PTPRD: variants seen among roughly 807,000 people sequenced by gnomAD.
PTPRD encodes the protein protein tyrosine phosphatase receptor type D, also known as receptor-type tyrosine-protein phosphatase delta.
Under a neutral mutation model 214.5 loss-of-function variants are expected in PTPRD, and 34 were observed. The ratio of observed to expected loss-of-function variants is 0.16; its 90% CI spans 0.12 to 0.21. The LOEUF is 0.21. Among genes scored for constraint, PTPRD ranks in the 10% least tolerant of loss-of-function variants. The probability of loss-of-function intolerance (pLI) is 1.00; values close to 1 mark genes in which losing one functional copy is unlikely to be tolerated. For synonymous variants in PTPRD, 1,128 were observed against 845.7 expected (o/e 1.33, Z -5.79); for missense variants, 2,545 against 2,398.7 (o/e 1.06, Z -1.27).
chr9:9,240,636 T>G (rs1259060266), intron 9 of PTPRD, among the ~76,000 whole-genome samples: 2 of 152,152 alleles, frequency 1.3e-5, no homozygotes, highest in African/African-American at 4.8e-5. Context: ...GCTTATTTGA[T>G]ATATTAAAAT....
chr9:9,306,827 A>G (rs938927767), intron 9 of PTPRD, among the ~76,000 whole-genome samples: 1 of 152,164 alleles, frequency 6.6e-6, no homozygotes, highest in East Asian at 1.9e-4. Context: ...TTTTACTATT[A>G]TAATCCAAAT....
intron 14 of PTPRD, among the ~76,000 whole-genome samples, chr9:8,599,601 C>G (rs1391220972): frequency 9.4e-6 from 1 of 106,620 alleles, no homozygotes; most frequent in Non-Finnish European, 1.8e-5. Flanking sequence ...CCCTTTCCCC[C>G]ACCCGCCCAC....
At chr9:9,319,312 T>C (rs1309452567) in intron 9 of PTPRD, among the ~76,000 whole-genome samples, 1 of 152,202 alleles carries the variant, frequency 6.6e-6, no homozygotes, top group Non-Finnish European at 1.5e-5. Flanking sequence ...GGTTTCTCCA[T>C]AAATCAAGTG....
At position 10,351,252 on chromosome 9, in the gene PTPRD, C is replaced by T. The variant is rs185960635; in HGVS notation, c.-599-10235G>A. 1.2e-4 allele frequency among the ~76,000 whole-genome samples: 19 copies of T among 152,104 alleles called. No individual in the cohort carries two copies. The East Asian group carries it at 1.7e-3, about 14-fold the overall frequency. On this transcript the variant is annotated intron_variant, in intron 2 of 45. Transcript: ENST00000381196. ...TATCGTGGATTATCTAAATTACTGT[C>T]GCCCTCCATTTATGTGGATAATGAG...
At chr9:9,103,307 T>A (rs1265640252) in intron 10 of PTPRD, among the ~76,000 whole-genome samples, 3 of 152,194 alleles carry the variant, frequency 2.0e-5, no homozygotes. Context: ...TTGTTTTTTT[T>A]TCCATTGCAC....
intron 3 of PTPRD, among the ~76,000 whole-genome samples, chr9:10,250,309 C>T (rs1439275600): frequency 6.6e-6 from 1 of 152,042 alleles, no homozygotes; most frequent in African/African-American, 2.4e-5. Context: ...ACCCTTTACT[C>T]ATCTATATAA....
At chr9:9,931,488 C>T (rs543178783) in intron 5 of PTPRD, among the ~76,000 whole-genome samples, 111 of 152,230 alleles carry the variant, frequency 7.3e-4, no homozygotes, top group African/African-American at 2.4e-3. Context: ...AAAATCGGGT[C>T]GCTCCCACCC....
intron 4 of PTPRD, among the ~76,000 whole-genome samples, chr9:10,028,806 C>T (rs763413416): frequency 9.9e-5 from 15 of 152,124 alleles, no homozygotes; most frequent in East Asian, 5.8e-4. Context: ...ATCCCATTTT[C>T]GAGGAGAAAT....
intron 3 of PTPRD, among the ~76,000 whole-genome samples, chr9:10,184,013 C>T (rs1052148780): frequency 3.3e-5 from 5 of 152,058 alleles, no homozygotes; most frequent in African/African-American, 1.2e-4. Flanking sequence ...GTCACATGCA[C>T]GTATACATCT....
chr9:9,587,896 T>A (rs1361317944), intron 7 of PTPRD, among the ~76,000 whole-genome samples: 1 of 151,944 alleles, frequency 6.6e-6, no homozygotes, highest in Non-Finnish European at 1.5e-5. Context: ...TTAATAGGTA[T>A]AAACACATAG....
At chr9:9,825,236 C>A (rs2052329901) in intron 5 of PTPRD, among the ~76,000 whole-genome samples, 1 of 151,370 alleles carries the variant, frequency 6.6e-6, no homozygotes, top group African/African-American at 2.4e-5. Flanking sequence ...ATTTTATTTA[C>A]TAGTTTTCAA....
At chr9:8,998,870 C>G (rs902942603) in intron 11 of PTPRD, among the ~76,000 whole-genome samples, 3 of 151,992 alleles carry the variant, frequency 2.0e-5, no homozygotes, top group African/African-American at 7.2e-5. Context: ...CCAATCCTCA[C>G]AGATGACTTT....
intron 3 of PTPRD, among the ~76,000 whole-genome samples, chr9:10,097,046 G>A (rs1040746933): frequency 6.6e-6 from 1 of 151,674 alleles, no homozygotes; most frequent in African/African-American, 2.4e-5. Flanking sequence ...TCAGATAGTT[G>A]TAGATATGCA....
Position 9,553,601 on chromosome 9 carries a change from C to T in PTPRD, c.-237+21131G>A, listed in dbSNP as rs117192638. ...GTTTCTAAATGACAGTATGGATACC[C>T]CTTACTTACTGAATTAATAAGGTTA... On this transcript the variant is annotated intron_variant, in intron 8 of 45. Coordinates refer to ENST00000381196, the MANE Select transcript of PTPRD (RefSeq NM_002839.4). Among the ~76,000 whole-genome samples, 1,154 of 152,008 alleles carry T rather than the reference C, an allele frequency of 7.6e-3. 4 individuals are homozygous for T. The highest frequency in any genetic ancestry group is 0.013 in the Admixed American group (191 of 15,252).
chr9:10,524,924 T>TA (rs532367709), intron 2 of PTPRD, among the ~76,000 whole-genome samples: 20 of 144,322 alleles, frequency 1.4e-4, no homozygotes, highest in Admixed American at 2.8e-4. Context: ...AATATGATGC[T>TA]AAAAAAAAAA....
intron 10 of PTPRD, among the ~76,000 whole-genome samples, chr9:9,019,338 ACGAAAGAAAG>A (rs200865850): frequency 0.023 from 491 of 21,140 alleles, 4 homozygotes; most frequent in East Asian, 0.053. Context: ...GAAAGAAAGA[ACGAAAGAAAG>A]AAAGAAAGAA....
At chr9:10,346,149 C>G (rs372688251) in intron 2 of PTPRD, among the ~76,000 whole-genome samples, 1 of 152,100 alleles carries the variant, frequency 6.6e-6, no homozygotes, top group Non-Finnish European at 1.5e-5. Context: ...GCTCAAAATG[C>G]TTAAGTAAAT....
intron 10 of PTPRD, among the ~76,000 whole-genome samples, chr9:9,089,953 T>A (rs1335027653): frequency 6.6e-6 from 1 of 152,194 alleles, no homozygotes; most frequent in Non-Finnish European, 1.5e-5. Context: ...ATACATAATG[T>A]TTGTCCATAT....
intron 10 of PTPRD, among the ~76,000 whole-genome samples, chr9:9,095,753 C>T (rs2099782588): frequency 6.6e-6 from 1 of 152,120 alleles, no homozygotes; most frequent in Non-Finnish European, 1.5e-5. Context: ...CTCTTCTGAG[C>T]ATATACCCAA....
Sources: allele counts gnomAD v4.1 joint callset (sites outside exome capture counted in the v4.1 genomes callset), GRCh38; gene constraint gnomAD v4.1.1; transcripts MANE v1.5; gene names NCBI Gene and HGNC (gene_info 2026-07-23, HGNC 2026-07-21).